The following SORCS2 variants were observed in gnomAD, a reference collection of about 807,000 sequenced individuals.
SORCS2 encodes the protein VPS10 domain-containing receptor SorCS2.
In SORCS2, 100 loss-of-function variants were observed where a neutral mutation model predicts 141.6. That is an observed-to-expected ratio of 0.71 (90% CI 0.60 to 0.83). The LOEUF is 0.83. SORCS2 is among the 40% of genes least tolerant of loss of function. The probability of loss-of-function intolerance (pLI) is 0.00; values close to 1 mark genes in which losing one functional copy is unlikely to be tolerated. For synonymous variants in SORCS2, 789 were observed against 676.9 expected, an observed-to-expected ratio of 1.17 and a Z score of -2.57; for missense variants, 1,646 against 1,560.2, an observed-to-expected ratio of 1.05 and a Z score of -0.93.
chr4:7,718,295 C>T, intron 18 of SORCS2, 112 bp downstream of exon 18: 2 of 1,238,986 alleles, frequency 1.6e-6, no homozygotes, highest in Non-Finnish European at 2.2e-6. Flanking sequence ...TGGCTCAGGG[C>T]ATCGTCATCA....
chr4:7,575,832 G>T (rs1165902035), intron 3 of SORCS2, among the ~76,000 whole-genome samples: 1 of 152,222 alleles, frequency 6.6e-6, no homozygotes, highest in Admixed American at 6.5e-5. Context: ...GAGAAGGTCT[G>T]TGTCTGGCTA....
intron 2 of SORCS2, among the ~76,000 whole-genome samples, chr4:7,470,167 T>G (rs1729879968): frequency 6.6e-6 from 1 of 151,918 alleles, no homozygotes; most frequent in Non-Finnish European, 1.5e-5. Flanking sequence ...TATCCAGTCA[T>G]CCATCCATCC....
At chr4:7,465,893 C>G (rs1272215923) in intron 2 of SORCS2, among the ~76,000 whole-genome samples, 1 of 152,120 alleles carries the variant, frequency 6.6e-6, no homozygotes, top group Non-Finnish European at 1.5e-5. Flanking sequence ...TCTCATCATT[C>G]CCGTTTTGCA....
intron 1 of SORCS2, among the ~76,000 whole-genome samples, chr4:7,228,808 A>C (rs1475290112): frequency 6.6e-6 from 1 of 152,180 alleles, no homozygotes; most frequent in Non-Finnish European, 1.5e-5. Context: ...TGGGACCTTC[A>C]GTCCATGCGA....
At chr4:7,285,021 CAT>C (rs900055455) in intron 1 of SORCS2, among the ~76,000 whole-genome samples, 18 of 141,980 alleles carry the variant, frequency 1.3e-4, no homozygotes, top group African/African-American at 2.1e-4. Context: ...GGGACCATCC[CAT>C]ATATATATAT....
chr4:7,463,822 T>A (rs1729455999), intron 2 of SORCS2, among the ~76,000 whole-genome samples: 1 of 152,106 alleles, frequency 6.6e-6, no homozygotes, highest in African/African-American at 2.4e-5. Flanking sequence ...TACTGATGCG[T>A]GCCGGACTGG....
intron 3 of SORCS2, among the ~76,000 whole-genome samples, chr4:7,543,453 A>C (rs4689778): frequency 7.4e-6 from 1 of 135,836 alleles, no homozygotes; most frequent in Non-Finnish European, 1.6e-5. Flanking sequence ...TCATCCATCC[A>C]TCCATCCATC....
chr4:7,613,204 C>T (rs913954419), intron 3 of SORCS2, among the ~76,000 whole-genome samples: 4 of 152,206 alleles, frequency 2.6e-5, no homozygotes, highest in Non-Finnish European at 5.9e-5. Context: ...AGGTCTGCTG[C>T]CCAAAATAGG....
chr4:7,499,817 G>C (rs1354396905), intron 2 of SORCS2, among the ~76,000 whole-genome samples: 1 of 152,192 alleles, frequency 6.6e-6, no homozygotes, highest in Non-Finnish European at 1.5e-5. Flanking sequence ...GTGATGCTGA[G>C]AGCAAACAAT....
rs1007632399 is a variant in SORCS2, at chr4:7,665,071, G to A, written c.1071+600G>A. The stretch of plus-strand genomic sequence containing the variant: ...GCCCTGAGACAGAGTCTGCGTCATC[G>A]GACTCCCATCCACTGGGTTCTGTTC... On this transcript the variant is annotated intron_variant, in intron 7 of 26. Coordinates refer to ENST00000507866, the MANE Select transcript of SORCS2 (RefSeq NM_020777.3). Among the ~76,000 whole-genome samples the A allele has an allele frequency of 7.9e-5, 12 of 152,122 alleles. No individual in the cohort carries two copies. The South Asian group carries it at 1.5e-3, about 18-fold the overall frequency.
chr4:7,413,286 C>G (rs1725444100), intron 2 of SORCS2, among the ~76,000 whole-genome samples: 1 of 151,612 alleles, frequency 6.6e-6, no homozygotes, highest in African/African-American at 2.4e-5. Context: ...GATAAATATT[C>G]TCACTAGTCT....
At chr4:7,726,688 A>T (rs1009357914) in intron 20 of SORCS2, 92 bp from the exon 21 acceptor site, 4 of 1,510,184 alleles carry the variant, frequency 2.6e-6, no homozygotes, top group African/African-American at 1.4e-5. Context: ...GGGGACAGCA[A>T]TGCTCTCAGT....
intron 3 of SORCS2, among the ~76,000 whole-genome samples, chr4:7,568,804 T>A (rs758980276): frequency 1.2e-4 from 18 of 152,242 alleles, no homozygotes; most frequent in African/African-American, 1.4e-4. Flanking sequence ...AATTACAAGG[T>A]AGTGGGAAGG....
intron 1 of SORCS2, among the ~76,000 whole-genome samples, chr4:7,386,450 C>T (rs1169270280): frequency 3.2e-5 from 3 of 92,394 alleles, no homozygotes; most frequent in Non-Finnish European, 2.2e-5. Context: ...CAGAGATACA[C>T]ATGTGCACGC....
At chr4:7,425,733 C>A (rs1011939687) in intron 2 of SORCS2, among the ~76,000 whole-genome samples, 2 of 152,238 alleles carry the variant, frequency 1.3e-5, no homozygotes, top group African/African-American at 4.8e-5. Flanking sequence ...GTGGACCGAG[C>A]TGTCAGCATT....
At chr4:7,459,538 G>T (rs1239666889) in intron 2 of SORCS2, among the ~76,000 whole-genome samples, 2 of 152,180 alleles carry the variant, frequency 1.3e-5, no homozygotes, top group African/African-American at 2.4e-5. Flanking sequence ...CCCCATGGTG[G>T]TTAGTGAAGC....
In SORCS2 at chr4:7,567,792, C is replaced by G. The variant is rs116022032; in HGVS notation, c.648+36163C>G. Among the ~76,000 whole-genome samples, 430 of 152,316 alleles carry G rather than the reference C, an allele frequency of 2.8e-3. 5 individuals are homozygous for G. The highest frequency in any genetic ancestry group is 9.7e-3 in the African/African-American group (402 of 41,562). On this transcript the variant is annotated intron_variant, in intron 3 of 26. Coordinates refer to ENST00000507866, the MANE Select transcript of SORCS2 (RefSeq NM_020777.3). ...GAATTCCTCTGCATGGGAGGTGTGT[C>G]TCTTCCCCCCATTTATTTATTTAAT... is the stretch of plus-strand genomic sequence containing the variant.
At chr4:7,255,386 T>C (rs1713786277) in intron 1 of SORCS2, among the ~76,000 whole-genome samples, 1 of 152,132 alleles carries the variant, frequency 6.6e-6, no homozygotes, top group Non-Finnish European at 1.5e-5. Flanking sequence ...AGCCTCAGTA[T>C]GAATGGGCTC....
chr4:7,393,920 C>T (rs1724029841), intron 1 of SORCS2, among the ~76,000 whole-genome samples: 3 of 152,230 alleles, frequency 2.0e-5, no homozygotes, highest in Middle Eastern at 6.8e-3. Flanking sequence ...ACTTCAGGGT[C>T]CTTCTCCTTG....
Sources: allele counts gnomAD v4.1 joint callset (sites outside exome capture counted in the v4.1 genomes callset), GRCh38; gene constraint gnomAD v4.1.1; transcripts MANE v1.5; gene names NCBI Gene and HGNC (gene_info 2026-07-23, HGNC 2026-07-21).